The following EIF2AK1 variants were observed in gnomAD, a reference collection of about 807,000 sequenced individuals.
The protein encoded by EIF2AK1 is eukaryotic translation initiation factor 2-alpha kinase 1.
A neutral mutation model predicts 77.9 loss-of-function variants in EIF2AK1; 54 were observed. That is an observed-to-expected ratio of 0.69 (90% CI 0.56 to 0.87). EIF2AK1 has a LOEUF of 0.87. EIF2AK1 is among the 40% of genes least tolerant of loss of function. EIF2AK1 has a pLI of 0.00. For missense variants in EIF2AK1, 810 were observed against 768.6 expected, an observed-to-expected ratio of 1.05 and a Z score of -0.64; for synonymous variants, 314 against 290.5, an observed-to-expected ratio of 1.08 and a Z score of -0.82.
At chr7:6,034,224 T>G (rs1313116928) in intron 11 of EIF2AK1, among the ~76,000 whole-genome samples, 1 of 151,856 alleles carries the variant, frequency 6.6e-6, no homozygotes, top group East Asian at 2.0e-4. Context: ...GGAGAATCGC[T>G]TGAACCCGTG....
At chr7:6,049,474 C>T (rs1421090836) in intron 3 of EIF2AK1, among the ~76,000 whole-genome samples, 3 of 152,126 alleles carry the variant, frequency 2.0e-5, no homozygotes, top group African/African-American at 7.2e-5. Context: ...ATCTGGGAGG[C>T]AGAGGTTGCA....
rs567333566 is a variant in EIF2AK1, at chr7:6,024,571, TGTAAA to T, written c.*97_*101del. The T allele has an allele frequency of 4.8e-5, 75 of 1,564,216 alleles. No homozygotes were observed. The South Asian group carries it at 8.8e-4, about 18-fold the overall frequency. On this transcript the variant is annotated 3_prime_UTR_variant, in exon 15 of 15. Coordinates refer to ENST00000199389, the MANE Select transcript of EIF2AK1 (RefSeq NM_014413.4). The stretch of plus-strand genomic sequence containing the variant: ...GCACTCTGACATCTTTAACAAGTCT[TGTAAA>T]GGCTTACTAAATACAACGAAGCATT...
intron 3 of EIF2AK1, among the ~76,000 whole-genome samples, chr7:6,049,292 C>T (rs1052339699): frequency 6.6e-6 from 1 of 152,156 alleles, no homozygotes; most frequent in East Asian, 1.9e-4. Flanking sequence ...CGCCTGTAAT[C>T]CCAGCACTTG....
chr7:6,057,025 G>A (rs1788794094), intron 1 of EIF2AK1, among the ~76,000 whole-genome samples: 1 of 151,678 alleles, frequency 6.6e-6, no homozygotes, highest in African/African-American at 2.4e-5. Context: ...GGGCACAGTG[G>A]CTCACGCCTA....
rs1285102274 is a variant in EIF2AK1 at position 6,035,798 on chromosome 7, T to C, written c.1332+1626A>G. ...AGATGATGGAAACGCTCATTGCCTA[T>C]GGAGCAAACGTCAACTGTGCTGTCT... On this transcript the variant is annotated intron_variant, in intron 11 of 14. Transcript: ENST00000199389. This position sits in a 1 kb window ranked among gnomAD's most constrained non-coding sequence, Gnocchi z 5.5. 6 of 1,550,864 alleles carry C rather than the reference T, an allele frequency of 3.9e-6. No homozygotes were observed. The highest frequency in any genetic ancestry group is 5.2e-6 in the Non-Finnish European group (6 of 1,147,028).
Position 6,040,477 on chromosome 7 carries a change from A to C in EIF2AK1, c.1119+415T>G, listed in dbSNP as rs1180085000. ...GAGCCTCCTGAAAACTACAACTAAC[A>C]TAAAACCAATTTTAAAATTAAAAAG... On this transcript the variant is annotated intron_variant, in intron 9 of 14. Coordinates refer to ENST00000199389, the MANE Select transcript of EIF2AK1 (RefSeq NM_014413.4). Among the ~76,000 whole-genome samples, 4 of 152,206 alleles carry C rather than the reference A, an allele frequency of 2.6e-5. No homozygotes were observed. The East Asian group carries it at 7.7e-4, about 29-fold the overall frequency.
chr7:6,046,288 T>C (rs1425984728), intron 5 of EIF2AK1, 137 bp from the exon 6 acceptor site: 5 of 448,646 alleles, frequency 1.1e-5, no homozygotes, highest in African/African-American at 2.0e-5. Context: ...CTCCTTACTA[T>C]GTTCAGGGAA....
chr7:6,059,061 A>G lies in EIF2AK1; in HGVS notation c.23T>C (p.Val8Ala). MQGGNSG[V>A]RKREEEGDGA... Reference sequence around the variant, plus strand: ...GTCGCCCTCCTCTTCGCGCTTGCGGACCCCGGAGTTGCCCCCCTGCATCGC... The same window carrying G: ...GTCGCCCTCCTCTTCGCGCTTGCGGGCCCCGGAGTTGCCCCCCTGCATCGC... Residue 8 changes from valine to alanine, a missense_variant, in exon 1 of 15, where the codon GTC (valine) becomes GCC (alanine). Coordinates refer to ENST00000199389, the MANE Select transcript of EIF2AK1 (RefSeq NM_014413.4). 6.8e-7 allele frequency: 1 copy of G among 1,474,340 alleles called. No homozygotes were observed. The highest frequency in any genetic ancestry group is 1.3e-5 in the South Asian group (1 of 75,794). The allele number at this position is 1,474,340 out of a possible 1,614,324, so 91.3% of individuals were successfully genotyped here. A position where few individuals can be genotyped will look rare whatever the true frequency, so the allele number is the denominator to read the frequency against.
chr7:6,024,109 G>C lies in EIF2AK1; in HGVS notation c.*564C>G, dbSNP rs1160352426. 1.3e-5 allele frequency: 17 copies of C among 1,297,222 alleles called. No homozygotes were observed. Among genetic ancestry groups the C allele is most frequent in the Admixed American group, 2.3e-5 (1 of 43,780 alleles). The allele number at this position is 1,297,222 out of a possible 1,614,324, so 80.4% of individuals were successfully genotyped here. On this transcript the variant is annotated 3_prime_UTR_variant, in exon 15 of 15. Transcript: ENST00000199389. The stretch of plus-strand genomic sequence containing the variant: ...TGCAAGGGTGTGGTTTTGGAATGAC[G>C]CTAAACTGAAGGTGGAGAGAACAGA...
chr7:6,029,070 T>G, intron 11 of EIF2AK1, 38 bp from the exon 12 acceptor site: 1 of 1,467,838 alleles, frequency 6.8e-7, no homozygotes, highest in Non-Finnish European at 9.5e-7. Flanking sequence ...CTTGGCTTTC[T>G]TAAAACAAAT....
rs758391591 is a variant in EIF2AK1 at position 6,038,695 on chromosome 7, TC to T, written c.1120-25del. 8.3e-6 allele frequency: 13 copies of T among 1,571,230 alleles called. No individual in the cohort carries two copies. In the South Asian group the frequency reaches 1.3e-4, roughly 15 times the overall value. On this transcript the variant is annotated intron_variant, in intron 9 of 14. Coordinates refer to ENST00000199389, the MANE Select transcript of EIF2AK1 (RefSeq NM_014413.4). ...GCCTAGGAGAGGACACAGTGATGGC[TC>T]CCATCTTTGCACGATTCACTCGCAT...
In EIF2AK1 at chr7:6,035,470, A is replaced by C. The variant is rs1409268462; in HGVS notation, c.1332+1954T>G. 1 of 1,550,768 alleles carries C rather than the reference A, an allele frequency of 6.4e-7. No homozygotes were observed. On this transcript the variant is annotated intron_variant, in intron 11 of 14. Coordinates refer to ENST00000199389, the MANE Select transcript of EIF2AK1 (RefSeq NM_014413.4). This position sits in a 1 kb window ranked among gnomAD's most constrained non-coding sequence, Gnocchi z 5.5. ...GACACGACAGGCCTCACCACACTCA[A>C]CTTAATGCTACTGCACTGGCCAGTC...
At chr7:6,053,482 C>A (rs1025579275) in intron 2 of EIF2AK1, among the ~76,000 whole-genome samples, 1 of 152,014 alleles carries the variant, frequency 6.6e-6, no homozygotes, top group African/African-American at 2.4e-5. Flanking sequence ...CAGCCTCAGC[C>A]TCCCAAATTA....
intron 1 of EIF2AK1, among the ~76,000 whole-genome samples, chr7:6,055,677 A>T (rs1788731648): frequency 1.7e-5 from 1 of 59,082 alleles, no homozygotes; most frequent in South Asian, 6.0e-4. Flanking sequence ...CTAAACAGGT[A>T]AAAAAAAAAA....
At chr7:6,052,619 T>C (rs1378683644) in intron 2 of EIF2AK1, among the ~76,000 whole-genome samples, 1 of 128,690 alleles carries the variant, frequency 7.8e-6, no homozygotes, top group South Asian at 2.6e-4. Context: ...AACCTCAGAA[T>C]CTCTGGCTGG....
rs1787660579 is a variant in EIF2AK1, at chr7:6,023,962, C to T, written c.*711G>A. 2 of 1,398,822 alleles carry T rather than the reference C, an allele frequency of 1.4e-6. No homozygotes were observed. The highest frequency in any genetic ancestry group is 1.2e-5 in the South Asian group (1 of 81,972). The allele number at this position is 1,398,822 out of a possible 1,614,324, so 86.7% of individuals were successfully genotyped here. A position where few individuals can be genotyped will look rare whatever the true frequency, so the allele number is the denominator to read the frequency against. Reference sequence around the variant, plus strand: ...CAGATCGCTGCCTCTGAGGGATGTACAGATTGGCTGGGGAGCTGAGTGCTA... The same window carrying T: ...CAGATCGCTGCCTCTGAGGGATGTATAGATTGGCTGGGGAGCTGAGTGCTA... On this transcript the variant is annotated 3_prime_UTR_variant, in exon 15 of 15. Transcript: ENST00000199389.
chr7:6,027,916 G>C lies in EIF2AK1; in HGVS notation c.1530+699C>G. The C allele has an allele frequency of 2.2e-6, 1 of 451,830 alleles. No homozygotes were observed. The highest frequency in any genetic ancestry group is 4.4e-6 in the Non-Finnish European group (1 of 225,692). The allele number at this position is 451,830 out of a possible 1,614,324, so 28.0% of individuals were successfully genotyped here. On this transcript the variant is annotated intron_variant, in intron 13 of 14. Transcript: ENST00000199389. This position sits in a 1 kb window ranked among gnomAD's most constrained non-coding sequence, Gnocchi z 4.5. Reference sequence around the variant, plus strand: ...TCTCTACAAATAATTTTTTTTATTAGCTGGGTGTGGTAGCACAACTCTTGA... The same window carrying C: ...TCTCTACAAATAATTTTTTTTATTACCTGGGTGTGGTAGCACAACTCTTGA...
At chr7:6,052,732 C>A (rs560904881) in intron 2 of EIF2AK1, among the ~76,000 whole-genome samples, 329 of 151,268 alleles carry the variant, frequency 2.2e-3, no homozygotes, top group Non-Finnish European at 3.7e-3. Context: ...ACACTGAAGG[C>A]CGAGGCGGGT....
rs765526781 is a variant in EIF2AK1, at chr7:6,059,167, C to G, written c.-84G>C. On this transcript the variant is annotated 5_prime_UTR_variant, in exon 1 of 15. Coordinates refer to ENST00000199389, the MANE Select transcript of EIF2AK1 (RefSeq NM_014413.4). ...CGATGCTGCAGCTAGCGCCGTCCGA[C>G]CCGGAAGTAACCCCTCACCAGACGG... 3 of 942,390 alleles carry G rather than the reference C, an allele frequency of 3.2e-6. No homozygotes were observed. Among genetic ancestry groups the G allele is most frequent in the Non-Finnish European group, 4.3e-6 (3 of 695,150 alleles). The allele number at this position is 942,390 out of a possible 1,614,324, so 58.4% of individuals were successfully genotyped here.
Sources: gnomAD v4.1 joint callset for allele counts (sites outside exome capture counted in the v4.1 genomes callset) on GRCh38, gnomAD v4.1.1 for gene constraint, Gnocchi (gnomAD v3.1) non-coding constraint, MANE v1.5 for transcripts, NCBI Gene and HGNC (gene_info 2026-07-23, HGNC 2026-07-21) for gene names.